ADRA1B: variants seen among roughly 807,000 people sequenced by gnomAD.
ADRA1B encodes the protein alpha-1B adrenergic receptor.
In ADRA1B, 17 loss-of-function variants were observed where a neutral mutation model predicts 17.9. That is an observed-to-expected ratio of 0.95 (90% CI 0.65 to 1.42). The LOEUF (loss-of-function observed/expected upper bound fraction) is 1.42, where lower values mean the gene tolerates loss of function less well. Ranked by LOEUF, ADRA1B falls within the 40% of genes most tolerant of loss-of-function variation. ADRA1B has a pLI of 0.00. For missense variants in ADRA1B, 681 were observed against 722.1 expected (o/e 0.94, Z 0.65); for synonymous variants, 366 against 327.6 (o/e 1.12, Z -1.27).
intron 1 of ADRA1B, among the ~76,000 whole-genome samples, chr5:159,959,868 AG>A (rs1755633015): frequency 1.3e-5 from 2 of 152,106 alleles, no homozygotes; most frequent in South Asian, 4.1e-4. Flanking sequence ...TCCCCACCCC[AG>A]AAGTATTCTC....
At chr5:159,965,326 C>A (rs1016166546) in intron 1 of ADRA1B, among the ~76,000 whole-genome samples, 1 of 152,164 alleles carries the variant, frequency 6.6e-6, no homozygotes, top group African/African-American at 2.4e-5. Context: ...GAAGCGGAGG[C>A]AGGCTCAGGG....
intron 1 of ADRA1B, among the ~76,000 whole-genome samples, chr5:159,865,483 T>A (rs1373444724): frequency 6.6e-6 from 1 of 152,246 alleles, no homozygotes; most frequent in African/African-American, 2.4e-5. Flanking sequence ...CCAACGCTGA[T>A]CACTAATTCT....
chr5:159,971,856 G>GGGGGGGGT, intron 1 of ADRA1B, 23 bp from the exon 2 acceptor site: 1 of 1,306,264 alleles, frequency 7.7e-7, no homozygotes, highest in Non-Finnish European at 9.8e-7. Flanking sequence ...TTCTGCCCGT[G>GGGGGGGGT]CCCACCCCCC....
chr5:159,937,464 CAG>C (rs1366829086), intron 1 of ADRA1B, among the ~76,000 whole-genome samples: 2 of 149,534 alleles, frequency 1.3e-5, no homozygotes, highest in South Asian at 2.1e-4. Context: ...TTTTTTGAGA[CAG>C]AGTCTCAGGA....
At chr5:159,883,481 C>T (rs1034370422) in intron 1 of ADRA1B, among the ~76,000 whole-genome samples, 1 of 152,196 alleles carries the variant, frequency 6.6e-6, no homozygotes, top group Non-Finnish European at 1.5e-5. Flanking sequence ...TAAAGGGCAA[C>T]TCTTGTTGTC....
intron 1 of ADRA1B, among the ~76,000 whole-genome samples, chr5:159,930,348 G>C (rs1256309150): frequency 6.6e-6 from 1 of 152,230 alleles, no homozygotes; most frequent in Non-Finnish European, 1.5e-5. Flanking sequence ...AAATAGGTTA[G>C]GCCGGGCGCG....
Position 159,894,682 on chromosome 5 carries a change from A to G in ADRA1B, c.-255-21437A>G, listed in dbSNP as rs146621147. Among the ~76,000 whole-genome samples, 250 of 152,306 alleles carry G rather than the reference A, an allele frequency of 1.6e-3. 1 individual carries two copies. The highest frequency in any genetic ancestry group is 5.7e-3 in the African/African-American group (238 of 41,570). On this transcript the variant is annotated intron_variant, in intron 1 of 2. Coordinates refer to the ADRA1B transcript ENST00000641205. Reference sequence around the variant, plus strand: ...ATTAATTTTAGTTCGTGATACAATAAAAGAGGGCAATATAGTCATGCATGA... The same window carrying G: ...ATTAATTTTAGTTCGTGATACAATAGAAGAGGGCAATATAGTCATGCATGA...
intron 1 of ADRA1B, among the ~76,000 whole-genome samples, chr5:159,884,050 T>C (rs1201052253): frequency 6.6e-6 from 1 of 152,208 alleles, no homozygotes; most frequent in Non-Finnish European, 1.5e-5. Context: ...AGAGAAGTGG[T>C]CTGTGGCATC....
chr5:159,915,893 T>A (rs1754287928), upstream of ADRA1B, among the ~76,000 whole-genome samples: 1 of 152,226 alleles, frequency 6.6e-6, no homozygotes, highest in Admixed American at 6.5e-5. Context: ...AGTTGCTATG[T>A]TCACAGCGCC....
At chr5:159,986,507 T>C in the ADRA1B span, among the ~76,000 whole-genome samples, 7 of 152,216 alleles carry the variant, frequency 4.6e-5, no homozygotes, top group Non-Finnish European at 8.8e-5. Flanking sequence ...CTGGCTCTTT[T>C]ATTTGAACCG....
At chr5:159,942,284 A>G (rs1304120816) in intron 1 of ADRA1B, among the ~76,000 whole-genome samples, 1 of 152,174 alleles carries the variant, frequency 6.6e-6, no homozygotes, top group Non-Finnish European at 1.5e-5. Context: ...GGGTTGGTGT[A>G]CAACTTTGTG....
chr5:159,946,206 C>G (rs1466965047), intron 1 of ADRA1B, among the ~76,000 whole-genome samples: 1 of 152,134 alleles, frequency 6.6e-6, no homozygotes, highest in East Asian at 1.9e-4. Context: ...AAATCTAGAC[C>G]ATCCAGGAAA....
chr5:159,865,922 G>A (rs190079487), intron 1 of ADRA1B, among the ~76,000 whole-genome samples: 1 of 152,250 alleles, frequency 6.6e-6, no homozygotes, highest in African/African-American at 2.4e-5. Flanking sequence ...CTACAATGAG[G>A]TTTCTAATAA....
At chr5:159,903,207 C>A (rs1754122733) in intron 1 of ADRA1B, among the ~76,000 whole-genome samples, 1 of 152,252 alleles carries the variant, frequency 6.6e-6, no homozygotes, top group South Asian at 2.1e-4. Context: ...GGTTCCCACC[C>A]CAAATGTTCA....
chr5:159,957,929 C>CAAA (rs35956137), intron 1 of ADRA1B, among the ~76,000 whole-genome samples: 209 of 66,698 alleles, frequency 3.1e-3, no homozygotes, highest in East Asian at 4.0e-3. Flanking sequence ...AACCCCATCT[C>CAAA]AAAAAAAAAA....
At chr5:159,974,721 A>G (rs1016436888), downstream of ADRA1B, among the ~76,000 whole-genome samples, 3 of 152,238 alleles carry the variant, frequency 2.0e-5, no homozygotes, top group African/African-American at 2.4e-5. Flanking sequence ...AACTGTTTCC[A>G]TAAAAACGCA....
upstream of ADRA1B, among the ~76,000 whole-genome samples, chr5:159,913,996 C>T (rs1414931152): frequency 6.6e-6 from 1 of 152,154 alleles, no homozygotes; most frequent in Non-Finnish European, 1.5e-5. Flanking sequence ...AGAGAAGCCC[C>T]ATTATCTTAG....
the ADRA1B span, among the ~76,000 whole-genome samples, chr5:159,984,705 CTGGCCAACA>C: frequency 1.4e-4 from 21 of 151,164 alleles, no homozygotes; most frequent in African/African-American, 4.9e-4. Flanking sequence ...TGAGGCCAAC[CTGGCCAACA>C]TGGCGATACC....
chr5:159,867,901 T>C (rs1024943748), intron 1 of ADRA1B: 1 of 152,178 alleles, frequency 6.6e-6, no homozygotes, highest in African/African-American at 2.4e-5. Context: ...TCACCACAAG[T>C]GTGGTCTCAC....
Sources: gnomAD v4.1 joint callset for allele counts (sites outside exome capture counted in the v4.1 genomes callset) on GRCh38, gnomAD v4.1.1 for gene constraint, MANE v1.5 for transcripts, NCBI Gene and HGNC (gene_info 2026-07-23, HGNC 2026-07-21) for gene names.